Variants in WDFY4 observed in about 807,000 individuals in gnomAD.
WDFY4 encodes WDFY family member 4.
Under a neutral mutation model 351.9 loss-of-function variants are expected in WDFY4, and 169 were observed. The observed-to-expected ratio is 0.48, with a 90% CI of 0.42 to 0.55. WDFY4 has a LOEUF of 0.55. WDFY4 is among the 20% of genes least tolerant of loss of function. The pLI is 0.00. For missense variants in WDFY4, 3,803 were observed against 3,935.6 expected, an observed-to-expected ratio of 0.97 and a Z score of 0.90; for synonymous variants, 1,622 against 1,574.6, an observed-to-expected ratio of 1.03 and a Z score of -0.71.
chr10:48,788,791 C>G, intron 21 of WDFY4, 116 bp downstream of exon 21: 2 of 1,316,064 alleles, frequency 1.5e-6, no homozygotes, highest in Non-Finnish European at 2.0e-6. Flanking sequence ...GATGGATACA[C>G]AAATACATGT....
Position 48,822,264 on chromosome 10 carries a change from A to G in WDFY4, c.5825-116A>G, listed in dbSNP as rs114227169. 1.7e-3 allele frequency: 2,017 copies of G among 1,165,452 alleles called. 31 individuals are homozygous for G. The African/African-American group carries it at 0.028, about 16-fold the overall frequency. 72.2% of individuals were successfully genotyped at this position (1,165,452 alleles called of 1,614,324 possible). A position where few individuals can be genotyped will look rare whatever the true frequency, so the allele number is the denominator to read the frequency against. On this transcript the variant is annotated intron_variant, in intron 34 of 61. Coordinates refer to ENST00000325239, the MANE Select transcript of WDFY4 (RefSeq NM_001394531.1). ...GTCAGTACAAGACTCCATCTTTGGAACCATGGGGTACACAGAGGTGAATAA... is the reference window on the plus strand; with the variant it reads ...GTCAGTACAAGACTCCATCTTTGGAGCCATGGGGTACACAGAGGTGAATAA...
In WDFY4 at chr10:48,974,519, A is replaced by AAAACAAC. The variant is rs1554824235; in HGVS notation, c.8929-340_8929-339insCAACAAA. On this transcript the variant is annotated intron_variant, in intron 57 of 61. Transcript: ENST00000325239. ...CTCCGTCTCAAAAAAAAAAAAAAAA[A>AAAACAAC]AAAAAAAAAACAACTCATGACATGA... Among the ~76,000 whole-genome samples the AAAACAAC allele has an allele frequency of 1.0e-4, 5 of 49,924 alleles. 2 individuals carry two copies. Among genetic ancestry groups the AAAACAAC allele is most frequent in the Non-Finnish European group, 1.4e-4 (4 of 27,748 alleles). The allele number at this position is 49,924 out of a possible 152,430, so 32.8% of individuals were successfully genotyped here.
chr10:48,768,075 G>A (rs2065730020), intron 13 of WDFY4, among the ~76,000 whole-genome samples: 1 of 152,196 alleles, frequency 6.6e-6, no homozygotes, highest in Admixed American at 6.5e-5. Flanking sequence ...ATTAGCCTGG[G>A]CCTGGGACCA....
At chr10:48,950,434 A>G (rs905636364) in intron 51 of WDFY4, among the ~76,000 whole-genome samples, 3 of 152,158 alleles carry the variant, frequency 2.0e-5, no homozygotes, top group African/African-American at 7.2e-5. Context: ...TCATTCGTCC[A>G]TGGCTGGGGT....
At chr10:48,737,411 A>G (rs143924628) in intron 11 of WDFY4, among the ~76,000 whole-genome samples, 2 of 152,380 alleles carry the variant, frequency 1.3e-5, no homozygotes, top group African/African-American at 4.8e-5. Flanking sequence ...TCATCAACCT[A>G]ACTTACTTAA....
intron 36 of WDFY4, 112 bp from the exon 37 acceptor site, chr10:48,828,666 A>G (rs558871195): frequency 1.6e-5 from 10 of 627,736 alleles, no homozygotes; most frequent in South Asian, 1.3e-4. Context: ...GTTTTTTTCC[A>G]TATTGATATA....
chr10:48,890,605 T>C lies in WDFY4; in HGVS notation c.7194T>C (p.Ile2398=). The C allele has an allele frequency of 6.4e-7, 1 of 1,551,754 alleles. No individual in the cohort carries two copies. The highest frequency in any genetic ancestry group is 1.2e-5 in the South Asian group (1 of 84,060). The change falls in exon 44 of 62, where the codon ATT becomes ATC. Residue 2398 remains isoleucine, a synonymous_variant. Coordinates refer to ENST00000325239, the MANE Select transcript of WDFY4 (RefSeq NM_001394531.1). ...TGACGCAGAAGTTCTCCCTGGTGATTGTGCAGGGCCACCTGGTGTCAGAAG... is the reference window on the plus strand; with the variant it reads ...TGACGCAGAAGTTCTCCCTGGTGATCGTGCAGGGCCACCTGGTGTCAGAAG... ...EKVTQKFSLV[I]VQGHLVSEGV...
intron 35 of WDFY4, chr10:48,823,316 A>G (rs1476594893): frequency 1.6e-6 from 2 of 1,284,172 alleles, no homozygotes; most frequent in African/African-American, 3.1e-5. Context: ...ATTCTTGGAA[A>G]GAACTTTCTG....
chr10:48,696,366 G>A (rs760555401), intron 1 of WDFY4, among the ~76,000 whole-genome samples: 2 of 152,212 alleles, frequency 1.3e-5, no homozygotes, highest in Non-Finnish European at 2.9e-5. Flanking sequence ...CTGTCTGCAA[G>A]GCTGCCCCTG....
chr10:48,750,302 C>T (rs929850045), intron 12 of WDFY4, among the ~76,000 whole-genome samples: 4 of 152,216 alleles, frequency 2.6e-5, no homozygotes, highest in Admixed American at 6.5e-5. Flanking sequence ...TTGGAAGCCT[C>T]CAGTGCTTTC....
intron 47 of WDFY4, among the ~76,000 whole-genome samples, chr10:48,917,347 G>A (rs1476194616): frequency 2.6e-5 from 4 of 152,126 alleles, no homozygotes. Context: ...AAGGAAAAAT[G>A]GCTGAAAACT....
At position 48,848,165 on chromosome 10, in the gene WDFY4, C is replaced by T. The variant is rs115872285; in HGVS notation, c.6663+15456C>T. On this transcript the variant is annotated intron_variant, in intron 39 of 61. Transcript: ENST00000325239. ...AGCTTGCTGTGGAGCCCAGGCTGTC[C>T]CGTCACTCAGTACACACTGTGCCTT... Among the ~76,000 whole-genome samples the T allele has an allele frequency of 4.7e-3, 723 of 152,276 alleles. 5 individuals are homozygous for T. Among genetic ancestry groups the T allele is most frequent in the African/African-American group, 0.016 (685 of 41,542 alleles).
Position 48,877,061 on chromosome 10 carries a change from C to A in WDFY4, c.7029C>A (p.Gly2343=), listed in dbSNP as rs1047136138. 7 of 1,512,590 alleles carry A rather than the reference C, an allele frequency of 4.6e-6. No individual in the cohort carries two copies. The highest frequency in any genetic ancestry group is 5.3e-6 in the Non-Finnish European group (6 of 1,127,110). The allele number at this position is 1,512,590 out of a possible 1,614,324, so 93.7% of individuals were successfully genotyped here. A position where few individuals can be genotyped will look rare whatever the true frequency, so the allele number is the denominator to read the frequency against. Residue 2343 remains glycine (G), a synonymous_variant, in exon 43 of 62, where the codon GGC becomes GGA. Transcript: ENST00000325239. The part of the protein sequence containing the change: ...QDELTLREAE[G]EPDEVGVDCT... ...AACTGACACTGAGGGAGGCTGAGGG[C>A]GAGCCGGACGAGGTGGGGGTGGACT...
At chr10:48,902,268 G>GGT (rs1837395898) in intron 47 of WDFY4, among the ~76,000 whole-genome samples, 1 of 152,228 alleles carries the variant, frequency 6.6e-6, no homozygotes, top group African/African-American at 2.4e-5. Context: ...CATACAAGTT[G>GGT]GTGTGCGAAT....
chr10:48,850,784 AAGAG>A (rs2068932266), intron 39 of WDFY4, among the ~76,000 whole-genome samples: 1 of 152,218 alleles, frequency 6.6e-6, no homozygotes, highest in Non-Finnish European at 1.5e-5. Context: ...AGAGCTGAAA[AAGAG>A]AGATTAGCAG....
intron 24 of WDFY4, among the ~76,000 whole-genome samples, chr10:48,801,720 G>A (rs924079819): frequency 6.6e-6 from 1 of 152,198 alleles, no homozygotes; most frequent in Non-Finnish European, 1.5e-5. Flanking sequence ...TTTAAAAAAT[G>A]TAATGCATCT....
intron 39 of WDFY4, among the ~76,000 whole-genome samples, chr10:48,833,707 T>C (rs1189298403): frequency 2.6e-5 from 4 of 152,228 alleles, no homozygotes; most frequent in African/African-American, 9.7e-5. Context: ...CACTGACTTC[T>C]TCAGAGGTGG....
At chr10:48,830,592 T>G (rs2068156191) in intron 37 of WDFY4, 108 bp from the exon 38 acceptor site, 1 of 1,264,700 alleles carries the variant, frequency 7.9e-7, no homozygotes, top group Non-Finnish European at 1.1e-6. Flanking sequence ...GTTCAAGACC[T>G]TAAGTGAGAA....
At chr10:48,732,103 A>G (rs1203021248) in intron 9 of WDFY4, among the ~76,000 whole-genome samples, 3 of 152,028 alleles carry the variant, frequency 2.0e-5, no homozygotes, top group Non-Finnish European at 4.4e-5. Flanking sequence ...TGGCCCCTGC[A>G]CCCTGGAGTC....
Sources: gnomAD v4.1 joint callset for allele counts (sites outside exome capture counted in the v4.1 genomes callset) on GRCh38, gnomAD v4.1.1 for gene constraint, MANE v1.5 for transcripts, NCBI Gene and HGNC (gene_info 2026-07-23, HGNC 2026-07-21) for gene names.